Variants in TENM4 observed in about 807,000 individuals in gnomAD.
TENM4 encodes the protein teneurin transmembrane protein 4, also known as teneurin-4.
Under a neutral mutation model 243.3 loss-of-function variants are expected in TENM4, and 82 were observed. The ratio of observed to expected loss-of-function variants is 0.34; its 90% CI spans 0.28 to 0.40. The LOEUF (loss-of-function observed/expected upper bound fraction) is 0.40, where lower values mean the gene tolerates loss of function less well. TENM4 is among the 10% of genes least tolerant of loss of function. TENM4 has a pLI of 1.00. For synonymous variants in TENM4, 1,412 were observed against 1,456.3 expected (o/e 0.97, Z 0.69); for missense variants, 3,138 against 3,673.3 (o/e 0.85, Z 3.77).
intron 4 of TENM4, among the ~76,000 whole-genome samples, chr11:79,090,874 CT>C (rs1164053034): frequency 6.6e-6 from 1 of 152,200 alleles, no homozygotes; most frequent in Non-Finnish European, 1.5e-5. Context: ...TGGGACTTCA[CT>C]GTTTAGTGGG....
intron 3 of TENM4, among the ~76,000 whole-genome samples, chr11:79,153,645 G>A (rs78274417): frequency 2.9e-3 from 443 of 152,256 alleles, no homozygotes; most frequent in African/African-American, 9.9e-3. Flanking sequence ...TGGTTCTTGC[G>A]GCTGAAAGAA....
chr11:78,735,519 G>A (rs968089392), intron 20 of TENM4, among the ~76,000 whole-genome samples: 1 of 152,214 alleles, frequency 6.6e-6, no homozygotes, highest in South Asian at 2.1e-4. Flanking sequence ...CAAGCAGGGG[G>A]CAGCTGGCCT....
At chr11:78,875,927 G>A (rs1357083462) in intron 9 of TENM4, among the ~76,000 whole-genome samples, 1 of 152,234 alleles carries the variant, frequency 6.6e-6, no homozygotes, top group East Asian at 1.9e-4. Context: ...CTGGGAGCAG[G>A]GGCAAAGGCA....
Position 78,934,997 on chromosome 11 carries a change from C to CTTTTTTTTT in TENM4, c.494-31483_494-31475dup, listed in dbSNP as rs530062569. The stretch of plus-strand genomic sequence containing the variant: ...ATTTTGTGAGTGAGGAAGTATGCAA[C>CTTTTTTTTT]TTTTTTTTTTTTTTTTTTTTTTTTT... On this transcript the variant is annotated intron_variant, in intron 6 of 33. Transcript: ENST00000278550. Among the ~76,000 whole-genome samples the CTTTTTTTTT allele has an allele frequency of 2.0e-4, 16 of 81,104 alleles. 1 individual carries two copies. The highest frequency in any genetic ancestry group is 6.3e-4 in the African/African-American group (12 of 19,024). The allele number at this position is 81,104 out of a possible 152,430, so 53.2% of individuals were successfully genotyped here. A position where few individuals can be genotyped will look rare whatever the true frequency, so the allele number is the denominator to read the frequency against.
At chr11:79,310,319 C>A (rs1175679140) in intron 1 of TENM4, among the ~76,000 whole-genome samples, 1 of 152,174 alleles carries the variant, frequency 6.6e-6, no homozygotes, top group African/African-American at 2.4e-5. Flanking sequence ...GTCAAATGGT[C>A]CCAAGTCTAA....
chr11:78,940,888 C>G (rs889739693), intron 6 of TENM4, among the ~76,000 whole-genome samples: 17 of 152,308 alleles, frequency 1.1e-4, no homozygotes, highest in Non-Finnish European at 1.9e-4. Context: ...TCTCCCTGGT[C>G]CTAGGCCTAC....
At chr11:79,209,588 G>A (rs908467247) in intron 3 of TENM4, among the ~76,000 whole-genome samples, 14 of 152,236 alleles carry the variant, frequency 9.2e-5, no homozygotes, top group Non-Finnish European at 1.5e-4. Flanking sequence ...TGGGGAGGCC[G>A]CGGGCATCCT....
At chr11:79,210,298 C>T (rs1050426128) in intron 3 of TENM4, among the ~76,000 whole-genome samples, 1 of 152,156 alleles carries the variant, frequency 6.6e-6, no homozygotes, top group Non-Finnish European at 1.5e-5. Context: ...ACATCTTAAT[C>T]GTCATGTCTT....
At chr11:79,333,468 A>G (rs1437258399) in intron 1 of TENM4, among the ~76,000 whole-genome samples, 4 of 152,162 alleles carry the variant, frequency 2.6e-5, no homozygotes, top group Non-Finnish European at 5.9e-5. Context: ...CAACATCCCT[A>G]TTACCCAGAA....
chr11:78,943,215 G>A (rs1161434798), intron 6 of TENM4, among the ~76,000 whole-genome samples: 8 of 152,246 alleles, frequency 5.3e-5, no homozygotes, highest in African/African-American at 1.9e-4. Context: ...AGGGCAGGAG[G>A]CCCTGGAGGA....
intron 4 of TENM4, among the ~76,000 whole-genome samples, chr11:79,105,489 C>A (rs1287893043): frequency 2.0e-5 from 3 of 152,236 alleles, no homozygotes; most frequent in Non-Finnish European, 4.4e-5. Context: ...CAGAGTGATG[C>A]TGATCCTTCA....
chr11:78,760,671 T>C (rs1449870193), intron 18 of TENM4, among the ~76,000 whole-genome samples: 1 of 152,232 alleles, frequency 6.6e-6, no homozygotes, highest in African/African-American at 2.4e-5. Context: ...TGTCTCTCAT[T>C]AGTTCTGCAA....
At chr11:78,856,299 TG>T in intron 10 of TENM4, 121 bp from the exon 11 acceptor site, 1 of 874,986 alleles carries the variant, frequency 1.1e-6, no homozygotes, top group Non-Finnish European at 1.7e-6. Flanking sequence ...TATAATGTTC[TG>T]CTGTCAGCTT....
At chr11:79,032,241 G>A (rs144774851) in intron 6 of TENM4, among the ~76,000 whole-genome samples, 101 of 152,310 alleles carry the variant, frequency 6.6e-4, no homozygotes, top group Non-Finnish European at 1.0e-3. Context: ...CTGGAGATGT[G>A]AGATCACAGC....
chr11:78,869,782 T>C (rs1859077638), intron 9 of TENM4, among the ~76,000 whole-genome samples: 1 of 152,186 alleles, frequency 6.6e-6, no homozygotes, highest in African/African-American at 2.4e-5. Context: ...ACACTGGTGA[T>C]GAGTTACAAT....
chr11:78,688,138 C>A lies in TENM4; in HGVS notation c.5176G>T (p.Val1726Phe). Residue 1726 changes from valine (V) to phenylalanine (F), a missense_variant, in exon 29 of 34, where the codon GTC becomes TTC. Val to Phe is a conservative substitution (Grantham distance 50, BLOSUM62 -1). Transcript: ENST00000278550. ...FRSDTDSSVH[V>F]QVETSSKDDV... is the part of the protein sequence containing the mutation. ...TCCTTGCTGGAGGTCTCTACCTGGACATGCACTGAACTGTCTGTATCACTT... is the reference window on the plus strand; with the variant it reads ...TCCTTGCTGGAGGTCTCTACCTGGAAATGCACTGAACTGTCTGTATCACTT... 2.5e-6 allele frequency: 4 copies of A among 1,613,944 alleles called. No homozygotes were observed. The highest frequency in any genetic ancestry group is 2.5e-6 in the Non-Finnish European group (3 of 1,179,868).
chr11:78,951,169 A>G (rs1857101329), intron 6 of TENM4, among the ~76,000 whole-genome samples: 1 of 152,250 alleles, frequency 6.6e-6, no homozygotes, highest in African/African-American at 2.4e-5. Context: ...AGAAAGGAAG[A>G]GAGCCTTGCC....
At chr11:78,826,313 C>T (rs1367567503) in intron 12 of TENM4, among the ~76,000 whole-genome samples, 2 of 152,080 alleles carry the variant, frequency 1.3e-5, no homozygotes, top group South Asian at 2.1e-4. Flanking sequence ...TCTTGAACTC[C>T]TGACCTTAGG....
intron 6 of TENM4, among the ~76,000 whole-genome samples, chr11:79,003,270 G>A (rs2136711913): frequency 6.6e-6 from 1 of 152,088 alleles, no homozygotes. Flanking sequence ...TTGCTAGAGA[G>A]GCCAACATTT....
Sources: allele counts gnomAD v4.1 joint callset (sites outside exome capture counted in the v4.1 genomes callset), GRCh38; gene constraint gnomAD v4.1.1; transcripts MANE v1.5; gene names NCBI Gene and HGNC (gene_info 2026-07-23, HGNC 2026-07-21).